Variants in SHOC2 observed in about 807,000 individuals in gnomAD.
SHOC2 encodes SHOC2 leucine rich repeat scaffold protein.
A neutral mutation model predicts 50.2 loss-of-function variants in SHOC2; 4 were observed. The ratio of observed to expected loss-of-function variants is 0.08; its 90% CI spans 0.04 to 0.18. The LOEUF (loss-of-function observed/expected upper bound fraction) is 0.18. Among genes scored for constraint, SHOC2 ranks in the 10% least tolerant of loss-of-function variants. The pLI, the probability that SHOC2 is intolerant of heterozygous loss-of-function variation, is 1.00. For missense variants in SHOC2, 388 were observed against 669.6 expected (o/e 0.58, Z 4.64); for synonymous variants, 218 against 244.5 (o/e 0.89, Z 1.01).
chr10:110,986,932 T>C (rs1260477806), intron 3 of SHOC2, among the ~76,000 whole-genome samples: 3 of 152,142 alleles, frequency 2.0e-5, no homozygotes, highest in African/African-American at 7.2e-5. Context: ...ATGTGTGTGG[T>C]CCCCCAAGTG....
intron 1 of SHOC2, among the ~76,000 whole-genome samples, chr10:110,945,430 A>C (rs190004874): frequency 3.2e-4 from 49 of 152,350 alleles, no homozygotes; most frequent in Non-Finnish European, 5.6e-4. Context: ...GACTAGGGCA[A>C]GTTAAAATAG....
At chr10:110,991,981 A>C (rs1041583324) in intron 3 of SHOC2, among the ~76,000 whole-genome samples, 1 of 152,224 alleles carries the variant, frequency 6.6e-6, no homozygotes, top group Admixed American at 6.5e-5. Flanking sequence ...GGACTAAAGA[A>C]TCTTGCCCTA....
chr10:110,958,223 T>TC (rs1487013077), intron 1 of SHOC2, among the ~76,000 whole-genome samples: 4 of 151,566 alleles, frequency 2.6e-5, no homozygotes, highest in Non-Finnish European at 5.9e-5. Context: ...TTTCTTTCTT[T>TC]TTTTTTTTTT....
chr10:110,955,105 C>T (rs1426149207), intron 1 of SHOC2, among the ~76,000 whole-genome samples: 1 of 152,068 alleles, frequency 6.6e-6, no homozygotes, highest in East Asian at 1.9e-4. Flanking sequence ...AGAATTTGAG[C>T]AGGAGAGTAA....
rs548488376 is a variant in SHOC2, at chr10:110,998,951, T to G, written c.842-1464T>G. Among the ~76,000 whole-genome samples, 32 of 152,340 alleles carry G rather than the reference T, an allele frequency of 2.1e-4. No individual in the cohort carries two copies. The South Asian group carries it at 6.6e-3, about 32-fold the overall frequency. On this transcript the variant is annotated intron_variant, in intron 3 of 8. Coordinates refer to ENST00000369452, the MANE Select transcript of SHOC2 (RefSeq NM_007373.4). ...AACTTATGCTATAGACTAATGTATG[T>G]TTTCTGTAAGTATTGTAGTAATATT...
At chr10:110,958,807 A>G (rs898760444) in intron 1 of SHOC2, among the ~76,000 whole-genome samples, 2 of 151,982 alleles carry the variant, frequency 1.3e-5, no homozygotes, top group Non-Finnish European at 2.9e-5. Flanking sequence ...ATTACCCTGA[A>G]TCCCTTCCTT....
intron 3 of SHOC2, among the ~76,000 whole-genome samples, chr10:110,991,930 T>G (rs1848193076): frequency 6.6e-6 from 1 of 152,172 alleles, no homozygotes; most frequent in Non-Finnish European, 1.5e-5. Context: ...TTCTGCAGAG[T>G]TGATGCTAGT....
At chr10:110,989,975 G>A (rs1469551343) in intron 3 of SHOC2, among the ~76,000 whole-genome samples, 1 of 152,178 alleles carries the variant, frequency 6.6e-6, no homozygotes, top group African/African-American at 2.4e-5. Context: ...AGTTTGGTTA[G>A]TATGAACAAC....
In SHOC2 at chr10:110,950,630, A is replaced by C. The variant is rs1258520483; in HGVS notation, c.-234-13495A>C. Among the ~76,000 whole-genome samples the C allele has an allele frequency of 2.6e-5, 4 of 152,180 alleles. No individual in the cohort carries two copies. In the East Asian group the frequency reaches 7.7e-4, roughly 29 times the overall value. ...CCATAATTGTTCAAAATATACTACAAACCTAGTAATCCAAACAGTGTGGTA... is the reference window on the plus strand; with the variant it reads ...CCATAATTGTTCAAAATATACTACACACCTAGTAATCCAAACAGTGTGGTA... On this transcript the variant is annotated intron_variant, in intron 1 of 8. Transcript: ENST00000369452.
chr10:110,997,998 CT>C (rs67929631), intron 3 of SHOC2, among the ~76,000 whole-genome samples: 31,863 of 136,358 alleles, frequency 0.23, 5,693 homozygotes, highest in East Asian at 0.54. Context: ...TTATTATAGT[CT>C]TTTTTTTTTT....
chr10:110,922,491 C>T (rs1298950130), intron 1 of SHOC2, among the ~76,000 whole-genome samples: 1 of 151,868 alleles, frequency 6.6e-6, no homozygotes, highest in Non-Finnish European at 1.5e-5. Context: ...TATTTAAATA[C>T]AGAAATCTGT....
intron 1 of SHOC2, among the ~76,000 whole-genome samples, chr10:110,958,570 C>A (rs1167400770): frequency 6.6e-6 from 1 of 152,056 alleles, no homozygotes; most frequent in African/African-American, 2.4e-5. Flanking sequence ...CTTCTACATG[C>A]GTTTTGTGGA....
intron 3 of SHOC2, among the ~76,000 whole-genome samples, chr10:110,998,161 G>A (rs746157608): frequency 4.0e-5 from 6 of 151,642 alleles, no homozygotes; most frequent in East Asian, 1.9e-4. Flanking sequence ...CACCATGCCC[G>A]GATAATTTTG....
chr10:110,964,787 A>G lies in SHOC2; in HGVS notation c.429A>G (p.Gly143=). 6.2e-7 allele frequency: 1 copy of G among 1,614,108 alleles called. No individual in the cohort carries two copies. Residue 143 remains glycine, a synonymous_variant, in exon 2 of 9, where the codon GGA becomes GGG. Transcript: ENST00000369452. The surrounding 1 kb of genome is among the most constrained non-coding windows in gnomAD (Gnocchi z 4.9). ...TGCAGTCCCTCCCAGCAGAGGTGGG[A>G]TGTTTAGTAAATCTCATGACACTGG... ...NKLQSLPAEV[G]CLVNLMTLAL...
At chr10:110,953,152 C>T (rs974547937) in intron 1 of SHOC2, among the ~76,000 whole-genome samples, 1 of 152,116 alleles carries the variant, frequency 6.6e-6, no homozygotes, top group Non-Finnish European at 1.5e-5. Flanking sequence ...ACTGTCTTCC[C>T]CAATGGTTGA....
intron 8 of SHOC2, among the ~76,000 whole-genome samples, chr10:111,011,044 A>C (rs904186219): frequency 6.6e-6 from 1 of 152,214 alleles, no homozygotes; most frequent in African/African-American, 2.4e-5. Context: ...TAGAGAATAC[A>C]AGTATCCTAA....
At chr10:110,956,133 A>G (rs778726981) in intron 1 of SHOC2, among the ~76,000 whole-genome samples, 4 of 152,096 alleles carry the variant, frequency 2.6e-5, no homozygotes, top group Admixed American at 6.5e-5. Flanking sequence ...TGGTATCTGC[A>G]TGTGCCTAAT....
intron 4 of SHOC2, among the ~76,000 whole-genome samples, chr10:111,002,007 C>G (rs1411527891): frequency 6.6e-6 from 1 of 151,468 alleles, no homozygotes; most frequent in Admixed American, 6.6e-5. Context: ...GGTGACGCCA[C>G]TGCAGTCCAG....
At chr10:110,986,427 A>G (rs990599438) in intron 3 of SHOC2, among the ~76,000 whole-genome samples, 1 of 152,174 alleles carries the variant, frequency 6.6e-6, no homozygotes, top group Non-Finnish European at 1.5e-5. Context: ...TTACATCTCT[A>G]CTTAATTTAC....
Sources: gnomAD v4.1 joint callset for allele counts (sites outside exome capture counted in the v4.1 genomes callset) on GRCh38, gnomAD v4.1.1 for gene constraint, Gnocchi (gnomAD v3.1) non-coding constraint, MANE v1.5 for transcripts, NCBI Gene and HGNC (gene_info 2026-07-23, HGNC 2026-07-21) for gene names.